Variants in CLSTN2 observed in about 807,000 individuals in gnomAD.
The protein encoded by CLSTN2 is calsyntenin 2, also known as calsyntenin-2.
A neutral mutation model predicts 101.2 loss-of-function variants in CLSTN2; 48 were observed. That is an observed-to-expected ratio of 0.47 (90% CI 0.38 to 0.60). The LOEUF is 0.60. CLSTN2 is among the 20% of genes least tolerant of loss of function. The pLI is 0.00. For synonymous variants in CLSTN2, 481 were observed against 463.6 expected (o/e 1.04, Z -0.48); for missense variants, 1,160 against 1,238.2 (o/e 0.94, Z 0.95).
At chr3:140,207,270 A>G (rs1228386014) in intron 2 of CLSTN2, among the ~76,000 whole-genome samples, 1 of 152,242 alleles carries the variant, frequency 6.6e-6, no homozygotes, top group African/African-American at 2.4e-5. Context: ...TCCCAGAATC[A>G]TTATGTATGC....
intron 2 of CLSTN2, among the ~76,000 whole-genome samples, chr3:140,319,946 T>C (rs536294845): frequency 2.6e-4 from 40 of 152,240 alleles, no homozygotes; most frequent in Non-Finnish European, 4.1e-4. Flanking sequence ...CTTTTCCATT[T>C]TATTGCAAGT....
At chr3:140,236,383 T>C (rs373024654) in intron 2 of CLSTN2, among the ~76,000 whole-genome samples, 2 of 152,340 alleles carry the variant, frequency 1.3e-5, no homozygotes, top group South Asian at 2.1e-4. Flanking sequence ...TATGTGTAAT[T>C]TGCCTTTTTA....
At chr3:140,098,467 T>C (rs2008908296) in intron 1 of CLSTN2, among the ~76,000 whole-genome samples, 1 of 152,208 alleles carries the variant, frequency 6.6e-6, no homozygotes, top group African/African-American at 2.4e-5. Context: ...ACTGTTGAAT[T>C]GTTTGATGTT....
intron 2 of CLSTN2, among the ~76,000 whole-genome samples, chr3:140,393,234 C>G (rs2088139086): frequency 6.6e-6 from 1 of 152,052 alleles, no homozygotes; most frequent in South Asian, 2.1e-4. Context: ...CTTTGGGGCC[C>G]CATCTCAGCC....
intron 2 of CLSTN2, among the ~76,000 whole-genome samples, chr3:140,287,022 G>A (rs752412300): frequency 2.0e-5 from 3 of 152,162 alleles, no homozygotes; most frequent in Admixed American, 6.6e-5. Flanking sequence ...GGCTTTAAGA[G>A]CCCAGCTCAA....
chr3:140,078,386 G>C (rs942640910), intron 1 of CLSTN2, among the ~76,000 whole-genome samples: 1 of 152,136 alleles, frequency 6.6e-6, no homozygotes, highest in South Asian at 2.1e-4. Context: ...GCAGAACTGA[G>C]CTCTATTTTT....
intron 4 of CLSTN2, among the ~76,000 whole-genome samples, chr3:140,416,572 A>G (rs1413142644): frequency 6.6e-6 from 1 of 152,232 alleles, no homozygotes; most frequent in Non-Finnish European, 1.5e-5. Context: ...TGGACCCCAC[A>G]CTTGCATCTA....
At chr3:140,133,415 C>G (rs756656758) in intron 1 of CLSTN2, among the ~76,000 whole-genome samples, 1 of 152,168 alleles carries the variant, frequency 6.6e-6, no homozygotes, top group South Asian at 2.1e-4. Flanking sequence ...TACACAGAGG[C>G]CTGATTTTGC....
chr3:140,101,616 C>T (rs1043204726), intron 1 of CLSTN2, among the ~76,000 whole-genome samples: 1 of 152,196 alleles, frequency 6.6e-6, no homozygotes, highest in African/African-American at 2.4e-5. Context: ...CACTTTATAA[C>T]AAATGACCTT....
chr3:140,355,343 C>G (rs537921717), intron 2 of CLSTN2, among the ~76,000 whole-genome samples: 3 of 152,228 alleles, frequency 2.0e-5, no homozygotes, highest in East Asian at 3.9e-4. Context: ...TCATTTGAGT[C>G]TTGTTTTCTT....
chr3:140,093,398 A>G (rs1022077462), intron 1 of CLSTN2, among the ~76,000 whole-genome samples: 1 of 151,990 alleles, frequency 6.6e-6, no homozygotes, highest in Non-Finnish European at 1.5e-5. Flanking sequence ...CCTACCCCCC[A>G]GTTAGCTGTC....
intron 2 of CLSTN2, among the ~76,000 whole-genome samples, chr3:140,389,723 T>G (rs1201086110): frequency 1.3e-5 from 2 of 152,234 alleles, no homozygotes; most frequent in African/African-American, 4.8e-5. Context: ...TCTTCCACAG[T>G]GGTTGGACTG....
rs540877371 is a variant in CLSTN2 at position 140,345,227 on chromosome 3, G to A, written c.233-58402G>A. On this transcript the variant is annotated intron_variant, in intron 2 of 16. Coordinates refer to ENST00000458420, the MANE Select transcript of CLSTN2 (RefSeq NM_022131.3). The stretch of plus-strand genomic sequence containing the variant: ...GGGATCCAAGATCCAAGACAGGGTG[G>A]CATTGAGTGGATATAGCCTTTTTTT... Among the ~76,000 whole-genome samples, 9 of 151,446 alleles carry A rather than the reference G, an allele frequency of 5.9e-5. No individual in the cohort carries two copies. In the East Asian group the frequency reaches 1.7e-3, roughly 29 times the overall value.
At chr3:140,557,080 T>G (rs1935813014) in intron 11 of CLSTN2, 1 of 156,310 alleles carries the variant, frequency 6.4e-6, no homozygotes, top group Admixed American at 6.3e-5. Context: ...CCTAAATCCC[T>G]TAGGTATGCC....
chr3:139,993,857 GAC>G (rs1389910076), intron 1 of CLSTN2, among the ~76,000 whole-genome samples: 4 of 85,180 alleles, frequency 4.7e-5, no homozygotes, highest in East Asian at 3.6e-4. Flanking sequence ...GAAAGTATAT[GAC>G]AAGTGAATCA....
intron 1 of CLSTN2, among the ~76,000 whole-genome samples, chr3:140,025,275 A>C (rs1013391185): frequency 6.6e-6 from 1 of 152,200 alleles, no homozygotes; most frequent in South Asian, 2.1e-4. Context: ...AGATGTGTAC[A>C]TCTAGTGGCA....
At chr3:140,052,634 A>G (rs2008018577) in intron 1 of CLSTN2, among the ~76,000 whole-genome samples, 1 of 152,180 alleles carries the variant, frequency 6.6e-6, no homozygotes. Flanking sequence ...ACCACCACAA[A>G]GTCGGATTGG....
intron 1 of CLSTN2, among the ~76,000 whole-genome samples, chr3:139,951,692 C>A (rs1257619365): frequency 2.0e-5 from 3 of 152,160 alleles, no homozygotes; most frequent in African/African-American, 7.2e-5. Context: ...AAATGAAAAG[C>A]TATGAATTGG....
chr3:140,043,270 G>A (rs55790599), intron 1 of CLSTN2, among the ~76,000 whole-genome samples: 21,729 of 152,110 alleles, frequency 0.14, 2,043 homozygotes, highest in Admixed American at 0.28. Context: ...TTCTCTGATG[G>A]CCAGTGATGA....
Sources: gnomAD v4.1 joint callset for allele counts (sites outside exome capture counted in the v4.1 genomes callset) on GRCh38, gnomAD v4.1.1 for gene constraint, MANE v1.5 for transcripts, NCBI Gene and HGNC (gene_info 2026-07-23, HGNC 2026-07-21) for gene names.